Variants in CLIP4 observed in about 807,000 individuals in gnomAD.
The protein encoded by CLIP4 is CAP-Gly domain containing linker protein family member 4, also known as CAP-Gly domain-containing linker protein 4.
Under a neutral mutation model 73.1 loss-of-function variants are expected in CLIP4, and 47 were observed. That is an observed-to-expected ratio of 0.64 (90% confidence interval 0.51 to 0.82). The LOEUF (loss-of-function observed/expected upper bound fraction) is 0.82. CLIP4 is among the 40% of genes least tolerant of loss of function. The pLI is 0.00. For missense variants in CLIP4, 874 were observed against 852.9 expected (o/e 1.02, Z -0.31); for synonymous variants, 306 against 295.4 (o/e 1.04, Z -0.37).
chr2:29,174,492 A>G, intron 15 of CLIP4, 47 bp downstream of exon 15: 1 of 1,589,510 alleles, frequency 6.3e-7, no homozygotes, highest in African/African-American at 1.4e-5. Context: ...GATGAACATG[A>G]TGGGATTCTG....
chr2:29,109,052 C>T (rs180827948), intron 1 of CLIP4, among the ~76,000 whole-genome samples: 3 of 152,298 alleles, frequency 2.0e-5, no homozygotes, highest in African/African-American at 7.2e-5. Context: ...ATTGCATCCT[C>T]ATGGTGTTTT....
chr2:29,153,818 G>T (rs1001908804), intron 9 of CLIP4, among the ~76,000 whole-genome samples: 6 of 152,158 alleles, frequency 3.9e-5, no homozygotes, highest in African/African-American at 1.4e-4. Flanking sequence ...ATAATAAGTA[G>T]TTTTTAAAAA....
At chr2:29,125,641 G>A (rs1183513754) in intron 2 of CLIP4, among the ~76,000 whole-genome samples, 1 of 152,066 alleles carries the variant, frequency 6.6e-6, no homozygotes, top group African/African-American at 2.4e-5. Context: ...CTATGCTCCT[G>A]GAGACTCCCT....
At position 29,133,603 on chromosome 2, in the gene CLIP4, T is replaced by TTGGAA. The variant is rs138251738; in HGVS notation, c.368-51_368-47dup. On this transcript the variant is annotated intron_variant, in intron 4 of 15. Transcript: ENST00000320081. ...AAATGAGGCAATTGGTAGCCATCCA[T>TTGGAA]TGGAACTTAAAATTTGTACTAAAGG... 7,418 of 1,550,518 alleles carry TTGGAA rather than the reference T, an allele frequency of 4.8e-3. 157 individuals are homozygous for TTGGAA. In the East Asian group the frequency reaches 0.048, roughly 10 times the overall value.
chr2:29,172,044 A>T (rs1668044891), intron 14 of CLIP4, among the ~76,000 whole-genome samples: 4 of 132,622 alleles, frequency 3.0e-5, no homozygotes, highest in African/African-American at 5.7e-5. Flanking sequence ...TACTGCCTCT[A>T]CTTGTGTAGA....
At position 29,160,342 on chromosome 2, in the gene CLIP4, C is replaced by T; in HGVS notation, c.1409C>T (p.Ser470Phe). The T allele has an allele frequency of 6.2e-7, 1 of 1,614,032 alleles. No individual in the cohort carries two copies. The highest frequency in any genetic ancestry group is 2.2e-5 in the East Asian group (1 of 44,880). Reference protein sequence around the residue: ...LSSRASAGLNSSATSTANNSR... With the variant: ...LSSRASAGLNFSATSTANNSR... ...TCCCTGACTTAAACAGGTTTGAATT[C>T]CTCAGCAACATCTACAGCAAATAAT... The change falls in exon 12 of 16, where the codon TCC (serine) becomes TTC (phenylalanine). Residue 470 changes from serine (S) to phenylalanine (F), a missense_variant. Coordinates refer to ENST00000320081, the MANE Select transcript of CLIP4 (RefSeq NM_024692.6).
chr2:29,122,121 G>A (rs1003801066), intron 2 of CLIP4, among the ~76,000 whole-genome samples: 6 of 152,136 alleles, frequency 3.9e-5, no homozygotes, highest in African/African-American at 1.2e-4. Context: ...GTTTTTGGAG[G>A]TAGAGATCAT....
intron 8 of CLIP4, among the ~76,000 whole-genome samples, chr2:29,145,785 G>A (rs1043096135): frequency 3.9e-5 from 6 of 152,184 alleles, no homozygotes; most frequent in South Asian, 2.1e-4. Context: ...AGGTTCAAGC[G>A]ATTCTCCTGC....
At chr2:29,164,491 C>G (rs538979840) in intron 13 of CLIP4, among the ~76,000 whole-genome samples, 1 of 152,290 alleles carries the variant, frequency 6.6e-6, no homozygotes, top group South Asian at 2.1e-4. Flanking sequence ...TAGTATCTTT[C>G]ATACCACCTC....
chr2:29,149,588 C>T (rs534395403), intron 8 of CLIP4, among the ~76,000 whole-genome samples: 2 of 151,662 alleles, frequency 1.3e-5, no homozygotes, highest in African/African-American at 4.8e-5. Context: ...TTAAGCCTTA[C>T]AGTTACATGT....
At chr2:29,120,849 A>G (rs1664203439) in intron 1 of CLIP4, among the ~76,000 whole-genome samples, 1 of 152,164 alleles carries the variant, frequency 6.6e-6, no homozygotes, top group Non-Finnish European at 1.5e-5. Flanking sequence ...TGTTAAGTTG[A>G]ACAATCTTAG....
chr2:29,177,139 T>G (rs941306610), intron 15 of CLIP4, among the ~76,000 whole-genome samples: 9 of 152,194 alleles, frequency 5.9e-5, no homozygotes, highest in Admixed American at 2.6e-4. Flanking sequence ...CCAGGCACAG[T>G]GGCTCATGCC....
At chr2:29,147,982 A>G (rs1398772356) in intron 8 of CLIP4, among the ~76,000 whole-genome samples, 2 of 152,202 alleles carry the variant, frequency 1.3e-5, no homozygotes, top group Non-Finnish European at 2.9e-5. Flanking sequence ...CATAGGGCAG[A>G]GGTAAATCAG....
intron 6 of CLIP4, among the ~76,000 whole-genome samples, chr2:29,140,110 G>A (rs1178778767): frequency 1.3e-5 from 2 of 150,844 alleles, no homozygotes; most frequent in African/African-American, 2.4e-5. Flanking sequence ...TTAAGTTTTA[G>A]GGTACTTGTG....
At chr2:29,145,450 T>G in intron 8 of CLIP4, 83 bp downstream of exon 8, 1 of 1,140,250 alleles carries the variant, frequency 8.8e-7, no homozygotes, top group Non-Finnish European at 1.2e-6. Flanking sequence ...AATAAAACTT[T>G]TCTCCTGATT....
At chr2:29,176,110 G>T (rs1668329740) in intron 15 of CLIP4, among the ~76,000 whole-genome samples, 1 of 152,206 alleles carries the variant, frequency 6.6e-6, no homozygotes, top group African/African-American at 2.4e-5. Context: ...CTCATAAAGT[G>T]TGCAACCAAA....
chr2:29,126,178 CTG>C (rs1430269576), intron 2 of CLIP4, among the ~76,000 whole-genome samples: 1 of 152,188 alleles, frequency 6.6e-6, no homozygotes, highest in Non-Finnish European at 1.5e-5. Flanking sequence ...GAGTGAGACT[CTG>C]TCCCTACAAA....
intron 13 of CLIP4, among the ~76,000 whole-genome samples, chr2:29,166,483 G>A (rs966634034): frequency 6.6e-6 from 1 of 151,590 alleles, no homozygotes; most frequent in Admixed American, 6.6e-5. Flanking sequence ...CTTCTTTAGA[G>A]AAACTCTAGG....
In CLIP4 at chr2:29,170,797, GA is replaced by G. The variant is rs563184605; in HGVS notation, c.1723+3258del. Among the ~76,000 whole-genome samples the G allele has an allele frequency of 3.9e-4, 60 of 151,980 alleles. 1 individual carries two copies. The highest frequency in any genetic ancestry group is 6.8e-3 in the Middle Eastern group (2 of 294). ...GGTAAGATGTGAGGGTCTGTGTCTA[GA>G]TTTTTTTTTTTCACATGTGAATGTC... is the stretch of plus-strand genomic sequence containing the variant. On this transcript the variant is annotated intron_variant, in intron 14 of 15. Coordinates refer to ENST00000320081, the MANE Select transcript of CLIP4 (RefSeq NM_024692.6).
Sources: allele counts gnomAD v4.1 joint callset (sites outside exome capture counted in the v4.1 genomes callset), GRCh38; gene constraint gnomAD v4.1.1; transcripts MANE v1.5; gene names NCBI Gene and HGNC (gene_info 2026-07-23, HGNC 2026-07-21).